The following COL20A1 variants were observed in gnomAD, a reference collection of about 807,000 sequenced individuals.
COL20A1 encodes collagen alpha-1(XX) chain.
In COL20A1, 164 loss-of-function variants were observed where a neutral mutation model predicts 152.9. The ratio of observed to expected loss-of-function variants is 1.07; its 90% CI spans 0.94 to 1.22. The LOEUF (loss-of-function observed/expected upper bound fraction) is 1.22. COL20A1 is among the 50% of genes most tolerant of loss of function. COL20A1 has a pLI of 0.00. For synonymous variants in COL20A1, 864 were observed against 756.0 expected, an observed-to-expected ratio of 1.14 and a Z score of -2.34; for missense variants, 1,873 against 1,744.8, an observed-to-expected ratio of 1.07 and a Z score of -1.31.
rs1036751232 is a variant in COL20A1 at position 63,311,286 on chromosome 20, C to T, written c.1394-108C>T. 6.1e-5 allele frequency: 75 copies of T among 1,236,288 alleles called. No individual in the cohort carries two copies. Among genetic ancestry groups the T allele is most frequent in the Non-Finnish European group, 7.6e-5 (69 of 912,126 alleles). 76.6% of individuals were successfully genotyped at this position (1,236,288 alleles called of 1,614,324 possible). A position where few individuals can be genotyped will look rare whatever the true frequency, so the allele number is the denominator to read the frequency against. ...GAAGTGCCACTTTGAATCCTGTGCACCTGCCAGGCGGTGGCCGTGCCCACC... is the reference window on the plus strand; with the variant it reads ...GAAGTGCCACTTTGAATCCTGTGCATCTGCCAGGCGGTGGCCGTGCCCACC... On this transcript the variant is annotated intron_variant, in intron 11 of 35. Transcript: ENST00000358894. The surrounding 1 kb of genome is among the most constrained non-coding windows in gnomAD (Gnocchi z 4.4).
At position 63,298,967 on chromosome 20, in the gene COL20A1, G is replaced by A. The variant is rs115022149; in HGVS notation, c.193+947G>A. ...ACCCTCCCCTGCTCCCTGGACGGCC[G>A]CCTCCAACAGCATGGACTAGTTTGC... On this transcript the variant is annotated intron_variant, in intron 3 of 35. Coordinates refer to ENST00000358894, the MANE Select transcript of COL20A1 (RefSeq NM_020882.4). Among the ~76,000 whole-genome samples the A allele has an allele frequency of 1.0e-2, 1,516 of 152,306 alleles. 29 individuals are homozygous for A. The highest frequency in any genetic ancestry group is 0.035 in the African/African-American group (1,444 of 41,570).
Position 63,319,452 on chromosome 20 carries a change from G to A in COL20A1, c.2807-35G>A. ...CAAGGTATAGGCCCGGCTGGTTGCA[G>A]CCCGTTCTCACCTGCTCCACCCCTT... On this transcript the variant is annotated intron_variant, in intron 22 of 35. Transcript: ENST00000358894. This position sits in a 1 kb window ranked among gnomAD's most constrained non-coding sequence, Gnocchi z 4.4. The A allele has an allele frequency of 6.7e-7, 1 of 1,487,760 alleles. No homozygotes were observed. Among genetic ancestry groups the A allele is most frequent in the Non-Finnish European group, 9.2e-7 (1 of 1,091,040 alleles). The allele number at this position is 1,487,760 out of a possible 1,614,324, so 92.2% of individuals were successfully genotyped here.
In COL20A1 at chr20:63,319,516, C is replaced by A; in HGVS notation, c.2836C>A (p.Arg946Ser). The change falls in exon 23 of 36, where the codon CGT becomes AGT. Residue 946 changes from arginine to serine, a missense_variant. By Grantham distance (110) the Arg-to-Ser change is moderately radical (BLOSUM62 -1). Coordinates refer to ENST00000358894, the MANE Select transcript of COL20A1 (RefSeq NM_020882.4). This position sits in a 1 kb window ranked among gnomAD's most constrained non-coding sequence, Gnocchi z 4.4. ...GAAGAAGTCCCTGACCTACTTCCAC[C>A]GTGACCCCAGGGCTGCCTTGCAGGA... is the stretch of plus-strand genomic sequence containing the variant. The part of the protein sequence containing the change: ...AGKKSLTYFH[R>S]DPRAALQEAT... 6.3e-7 allele frequency: 1 copy of A among 1,592,522 alleles called. No homozygotes were observed. The highest frequency in any genetic ancestry group is 1.1e-5 in the South Asian group (1 of 87,312).
In COL20A1 at chr20:63,310,408, A is replaced by C; in HGVS notation, c.1291A>C (p.Thr431Pro). ...GGTGGTGGAGGGACCCGCCGCCTCC[A>C]CGGAGCTGCACAACCTGGCCTCCCG... ...EVVVEGPAAS[T>P]ELHNLASRTE... The change falls in exon 11 of 36, where the codon ACG becomes CCG. Residue 431 changes from threonine to proline, a missense_variant. Thr to Pro is a conservative substitution (Grantham distance 38). Transcript: ENST00000358894. The C allele has an allele frequency of 6.2e-7, 1 of 1,610,822 alleles. No individual in the cohort carries two copies. The highest frequency in any genetic ancestry group is 8.5e-7 in the Non-Finnish European group (1 of 1,179,228).
chr20:63,312,940 C>CAGGG lies in COL20A1; in HGVS notation c.2076+7_2076+10dup. The CAGGG allele has an allele frequency of 6.5e-7, 1 of 1,545,172 alleles. No individual in the cohort carries two copies. The highest frequency in any genetic ancestry group is 8.8e-7 in the Non-Finnish European group (1 of 1,142,008). On this transcript the variant is annotated splice_region_variant and intron_variant, in intron 16 of 35. Coordinates refer to ENST00000358894, the MANE Select transcript of COL20A1 (RefSeq NM_020882.4). ...GAGAGGGGAAGGCTCACGAGGTGGG[C>CAGGG]AGGGGTGGGTTTGTCCTTCCGAGGG...
chr20:63,305,656 A>C lies in COL20A1; in HGVS notation c.337+96A>C. 7.2e-6 allele frequency: 10 copies of C among 1,383,304 alleles called. No homozygotes were observed. The highest frequency in any genetic ancestry group is 9.7e-6 in the Non-Finnish European group (10 of 1,028,232). The allele number at this position is 1,383,304 out of a possible 1,614,324, so 85.7% of individuals were successfully genotyped here. A position where few individuals can be genotyped will look rare whatever the true frequency, so the allele number is the denominator to read the frequency against. Reference sequence around the variant, plus strand: ...CCCACCCTCCTCCAGGCTGCGTTCCAGCCCCAGGGGTGGGTATGTGTGAAG... The same window carrying C: ...CCCACCCTCCTCCAGGCTGCGTTCCCGCCCCAGGGGTGGGTATGTGTGAAG... On this transcript the variant is annotated intron_variant, in intron 4 of 35. Transcript: ENST00000358894. This position sits in a 1 kb window ranked among gnomAD's most constrained non-coding sequence, Gnocchi z 4.9.
chr20:63,313,721 C>G lies in COL20A1; in HGVS notation c.2210-22C>G, dbSNP rs1377471865. ...CCTTTCTGGAGGGGCCTGAGCCCCA[C>G]ACAACCCATGCTCTCGGCCAGCCAC... On this transcript the variant is annotated intron_variant, in intron 17 of 35. Transcript: ENST00000358894. This position sits in a 1 kb window ranked among gnomAD's most constrained non-coding sequence, Gnocchi z 5.9. The G allele has an allele frequency of 2.6e-6, 4 of 1,558,540 alleles. No individual in the cohort carries two copies. The African/African-American group carries it at 4.1e-5, about 16-fold the overall frequency.
rs3746374 is a variant in COL20A1, at chr20:63,308,079, A to G, written c.764A>G (p.Asn255Ser). Residue 255 changes from asparagine (N) to serine (S), a missense_variant, in exon 7 of 36, where the codon AAC (asparagine) becomes AGC (serine). Asn to Ser is a conservative substitution (Grantham distance 46). Coordinates refer to ENST00000358894, the MANE Select transcript of COL20A1 (RefSeq NM_020882.4). Reference protein sequence around the residue: ...AVRRLRYKGGNTFTGLALTHV... With the variant: ...AVRRLRYKGGSTFTGLALTHV... Reference sequence around the variant, plus strand: ...CGCCGCCTCCGCTACAAGGGGGGGAACACGTTCACAGGTACGGCCCAGGCC... The same window carrying G: ...CGCCGCCTCCGCTACAAGGGGGGGAGCACGTTCACAGGTACGGCCCAGGCC... 117 of 1,609,282 alleles carry G rather than the reference A, an allele frequency of 7.3e-5. No homozygotes were observed. The East Asian group carries it at 1.5e-3, about 21-fold the overall frequency.
intron 27 of COL20A1, among the ~76,000 whole-genome samples, chr20:63,322,889 C>G (rs557338930): frequency 6.6e-6 from 1 of 152,264 alleles, no homozygotes; most frequent in Non-Finnish European, 1.5e-5. Flanking sequence ...CCTGCGCTGC[C>G]ATATTCCCTT....
In COL20A1 at chr20:63,319,662, G is replaced by A; in HGVS notation, c.2916+66G>A. 1.8e-6 allele frequency: 2 copies of A among 1,139,418 alleles called. No homozygotes were observed. The highest frequency in any genetic ancestry group is 2.6e-6 in the Non-Finnish European group (2 of 782,798). 70.6% of individuals were successfully genotyped at this position (1,139,418 alleles called of 1,614,324 possible). Reference sequence around the variant, plus strand: ...CTCTGGGGCAGCCCAGCCCCACAGGGACCTGCCGGATGCCAACTCCTCTCC... The same window carrying A: ...CTCTGGGGCAGCCCAGCCCCACAGGAACCTGCCGGATGCCAACTCCTCTCC... On this transcript the variant is annotated intron_variant, in intron 23 of 35. Transcript: ENST00000358894. This position sits in a 1 kb window ranked among gnomAD's most constrained non-coding sequence, Gnocchi z 4.4.
At chr20:63,309,232 C>T in intron 8 of COL20A1, 101 bp from the exon 9 acceptor site, 1 of 946,066 alleles carries the variant, frequency 1.1e-6, no homozygotes, top group South Asian at 2.9e-5. Flanking sequence ...AGCCCATAGG[C>T]CTCTTTACTC....
intron 8 of COL20A1, 124 bp from the exon 9 acceptor site, chr20:63,309,207 AGG>A: frequency 1.5e-6 from 1 of 667,196 alleles, no homozygotes; most frequent in Non-Finnish European, 2.3e-6. Context: ...TGTGGGTGGC[AGG>A]TGGGCCGAGT....
intron 8 of COL20A1, 118 bp from the exon 9 acceptor site, chr20:63,309,215 C>G (rs552097823): frequency 1.3e-6 from 1 of 772,782 alleles, no homozygotes; most frequent in Non-Finnish European, 1.9e-6. Context: ...GCAGGTGGGC[C>G]GAGTACAGCC....
Position 63,328,125 on chromosome 20 carries a change from C to G in COL20A1, c.3611C>G (p.Ala1204Gly). The change falls in exon 33 of 36, where the codon GCC (alanine) becomes GGC (glycine). Residue 1204 changes from alanine to glycine, a missense_variant and splice_region_variant. By Grantham distance (60) the Ala-to-Gly change is moderately conservative. Transcript: ENST00000358894. Reference protein sequence around the residue: ...LATLYQLVSQASHVSKFDSFH... With the variant: ...LATLYQLVSQGSHVSKFDSFH... ...ACCCTCTACCAGCTTGTGAGCCAGG[C>G]CTGTGAGTCTGCCATTCAGAGTGAG... The G allele has an allele frequency of 1.9e-6, 3 of 1,613,118 alleles. No homozygotes were observed. Among genetic ancestry groups the G allele is most frequent in the Non-Finnish European group, 2.5e-6 (3 of 1,179,790 alleles).
Position 63,307,478 on chromosome 20 carries a change from C to T in COL20A1, c.497-12C>T, listed in dbSNP as rs2067940678. The T allele has an allele frequency of 6.2e-7, 1 of 1,608,714 alleles. No homozygotes were observed. On this transcript the variant is annotated splice_polypyrimidine_tract_variant and intron_variant, in intron 5 of 35. Transcript: ENST00000358894. Reference sequence around the variant, plus strand: ...GCCTCACCTAGCACCTGACCCGCTCCCACCGCCCCAGCCGGCCCCCAGTTC... The same window carrying T: ...GCCTCACCTAGCACCTGACCCGCTCTCACCGCCCCAGCCGGCCCCCAGTTC...
chr20:63,308,616 G>A lies in COL20A1; in HGVS notation c.850G>A (p.Val284Met). Residue 284 changes from valine to methionine, a missense_variant, in exon 8 of 36, where the codon GTG becomes ATG. Val to Met is a conservative substitution (Grantham distance 21, BLOSUM62 1). Coordinates refer to ENST00000358894, the MANE Select transcript of COL20A1 (RefSeq NM_020882.4). Reference protein sequence around the residue: ...AGLRPEAAKVVILVTDGKSQD... With the variant: ...AGLRPEAAKVMILVTDGKSQD... ...CCTCCGTCCAGAGGCAGCCAAGGTGGTGATTCTGGTGACGGACGGCAAGTC... is the reference window on the plus strand; with the variant it reads ...CCTCCGTCCAGAGGCAGCCAAGGTGATGATTCTGGTGACGGACGGCAAGTC... The A allele has an allele frequency of 6.2e-7, 1 of 1,606,060 alleles. No individual in the cohort carries two copies. The highest frequency in any genetic ancestry group is 1.1e-5 in the South Asian group (1 of 89,718).
At chr20:63,302,382 A>G (rs1353872407) in intron 3 of COL20A1, among the ~76,000 whole-genome samples, 5 of 152,176 alleles carry the variant, frequency 3.3e-5, no homozygotes, top group Non-Finnish European at 7.4e-5. Flanking sequence ...GTGCAGTGGC[A>G]TGATCTTGGC....
chr20:63,328,274 C>T (rs2068281536), intron 33 of COL20A1, 57 bp from the exon 34 acceptor site: 4 of 1,571,460 alleles, frequency 2.5e-6, no homozygotes, highest in Non-Finnish European at 3.5e-6. Flanking sequence ...GTGGCCTGCA[C>T]AGGCCTCGCA....
In COL20A1 at chr20:63,311,642, C is replaced by G. The variant is rs913853719; in HGVS notation, c.1557C>G (p.Pro519=). The G allele has an allele frequency of 1.2e-6, 2 of 1,608,474 alleles. No individual in the cohort carries two copies. Among genetic ancestry groups the G allele is most frequent in the African/African-American group, 1.3e-5 (1 of 74,362 alleles). ...CTCTGCAGGTGCAGGTCGGGCGGCC[C>G]GAGGTGCTGCTGGATGGCCTGGAAC... ...EEEREVQVGR[P]EVLLDGLEPG... The change falls in exon 13 of 36, where the codon CCC becomes CCG. Residue 519 remains proline (P), a synonymous_variant. Transcript: ENST00000358894. This position sits in a 1 kb window ranked among gnomAD's most constrained non-coding sequence, Gnocchi z 4.4.
Sources: allele counts gnomAD v4.1 joint callset (sites outside exome capture counted in the v4.1 genomes callset), GRCh38; gene constraint gnomAD v4.1.1; non-coding constraint Gnocchi (gnomAD v3.1); transcripts MANE v1.5; gene names NCBI Gene and HGNC (gene_info 2026-07-23, HGNC 2026-07-21).